GRB10: variants seen among roughly 807,000 people sequenced by gnomAD.
GRB10 encodes the protein growth factor receptor bound protein 10.
In GRB10, 20 loss-of-function variants were observed where a neutral mutation model predicts 80.9. The observed-to-expected ratio is 0.25, with a 90% CI of 0.17 to 0.36. The LOEUF is 0.36. Among genes scored for constraint, GRB10 ranks in the 10% least tolerant of loss-of-function variants. The pLI, the probability that GRB10 is intolerant of heterozygous loss-of-function variation, is 1.00. For missense variants in GRB10, 548 were observed against 747.7 expected (o/e 0.73, Z 3.12); for synonymous variants, 291 against 291.5 (o/e 1.00, Z 0.02).
chr7:50,718,048 A>C (rs1160956893), intron 4 of GRB10, among the ~76,000 whole-genome samples: 2 of 152,242 alleles, frequency 1.3e-5, no homozygotes, highest in East Asian at 1.9e-4. Context: ...CCAGGGACTC[A>C]GTCGGCCCAG....
intron 8 of GRB10, 138 bp from the exon 9 acceptor site, chr7:50,619,423 A>C: frequency 1.4e-6 from 1 of 695,524 alleles, no homozygotes; most frequent in South Asian, 1.5e-5. Context: ...AAGGAAACTA[A>C]ATTTAAATCT....
chr7:50,668,209 T>C (rs2060004913), intron 7 of GRB10, among the ~76,000 whole-genome samples: 1 of 152,040 alleles, frequency 6.6e-6, no homozygotes, highest in African/African-American at 2.4e-5. Flanking sequence ...CCAGCGGGTA[T>C]TGGAAAAAGG....
At chr7:50,739,941 C>T (rs1439344778) in intron 3 of GRB10, among the ~76,000 whole-genome samples, 1 of 152,206 alleles carries the variant, frequency 6.6e-6, no homozygotes, top group Non-Finnish European at 1.5e-5. Flanking sequence ...CCACCTCTTC[C>T]TGTGACTCCC....
intron 7 of GRB10, among the ~76,000 whole-genome samples, chr7:50,634,894 T>C (rs1586065836): frequency 6.6e-6 from 1 of 152,174 alleles, no homozygotes; most frequent in Admixed American, 6.5e-5. Flanking sequence ...ATAAAACAAA[T>C]ACAACTACAC....
chr7:50,728,240 T>C (rs1485630825), intron 4 of GRB10, among the ~76,000 whole-genome samples: 1 of 150,108 alleles, frequency 6.7e-6, no homozygotes, highest in East Asian at 2.0e-4. Flanking sequence ...TACTTAAAAA[T>C]GAAAAACTAC....
intron 7 of GRB10, 107 bp from the exon 8 acceptor site, chr7:50,627,085 A>G: frequency 8.8e-7 from 1 of 1,134,756 alleles, no homozygotes; most frequent in African/African-American, 1.5e-5. Flanking sequence ...GTGCTCCAAC[A>G]CATGGGCAAC....
intron 13 of GRB10, among the ~76,000 whole-genome samples, chr7:50,609,332 G>A (rs1005946358): frequency 7.9e-5 from 12 of 152,130 alleles, no homozygotes; most frequent in African/African-American, 2.7e-4. Flanking sequence ...GCAAAGCTGA[G>A]GTAAAAATCA....
intron 9 of GRB10, 50 bp from the exon 10 acceptor site, chr7:50,618,189 G>A: frequency 7.5e-7 from 1 of 1,340,218 alleles, no homozygotes; most frequent in East Asian, 2.3e-5. Flanking sequence ...TTCAAAGTGA[G>A]GGAAGGTATG....
At chr7:50,698,430 T>C (rs1393645596) in intron 5 of GRB10, among the ~76,000 whole-genome samples, 1 of 152,272 alleles carries the variant, frequency 6.6e-6, no homozygotes, top group Non-Finnish European at 1.5e-5. Flanking sequence ...TTAATTCTTG[T>C]CATTCAAACA....
chr7:50,675,842 G>A (rs2060870746), intron 5 of GRB10, among the ~76,000 whole-genome samples: 1 of 152,194 alleles, frequency 6.6e-6, no homozygotes, highest in African/African-American at 2.4e-5. Context: ...CGGGGAAAGG[G>A]AGCCAGGAGC....
chr7:50,655,928 G>A (rs981012005), intron 7 of GRB10, among the ~76,000 whole-genome samples: 2 of 152,192 alleles, frequency 1.3e-5, no homozygotes, highest in Non-Finnish European at 2.9e-5. Flanking sequence ...ATGATGGAAT[G>A]TCCTGGCAGC....
intron 2 of GRB10, chr7:50,779,806 G>C (rs1413875186): frequency 6.6e-6 from 1 of 152,296 alleles, no homozygotes; most frequent in African/African-American, 2.4e-5. Context: ...ATTATTTGTA[G>C]GTGACTTACA....
intron 8 of GRB10, among the ~76,000 whole-genome samples, chr7:50,620,477 G>A (rs2051494980): frequency 1.5e-5 from 1 of 66,082 alleles, no homozygotes; most frequent in Non-Finnish European, 4.7e-5. Flanking sequence ...CATCTCAGAT[G>A]AGCCCCGACC....
In GRB10 at chr7:50,619,240, G is replaced by A. The variant is rs1200301335; in HGVS notation, c.707C>T (p.Thr236Ile). ...TAGAAATTTACTCTCACTGGCCATG[G>A]TACTCTCCACCTGGACCACCAGCTC... The part of the protein sequence containing the change: ...DHELVVQVES[T>I]MASESKFLFR... Residue 236 changes from threonine to isoleucine, a missense_variant, in exon 9 of 19, where the codon ACC (threonine) becomes ATC (isoleucine). Physicochemically the swap from Thr to Ile is moderately conservative, Grantham distance 89. Around this residue, in one of 4 missense-constraint regions of GRB10, gnomAD observed 270 missense variants for 433.6 expected, o/e 0.62. Coordinates refer to ENST00000401949, the MANE Select transcript of GRB10 (RefSeq NM_001350814.2). 6.2e-7 allele frequency: 1 copy of A among 1,613,484 alleles called. No individual in the cohort carries two copies. Among genetic ancestry groups the A allele is most frequent in the Non-Finnish European group, 8.5e-7 (1 of 1,179,742 alleles).
At chr7:50,674,686 A>G (rs931719865) in intron 5 of GRB10, 28 bp from the exon 6 acceptor site, 6 of 1,598,192 alleles carry the variant, frequency 3.8e-6, no homozygotes, top group Non-Finnish European at 4.3e-6. Flanking sequence ...AGAGCAAAAA[A>G]GAAACTTTAA....
chr7:50,678,222 C>T (rs2529409), intron 5 of GRB10, among the ~76,000 whole-genome samples: 136,289 of 152,230 alleles, frequency 0.9, 61,098 homozygotes, highest in East Asian at 0.96. Flanking sequence ...TATAAGGTAA[C>T]AGATGCCAAA....
At chr7:50,672,320 C>G (rs1349793221) in intron 6 of GRB10, among the ~76,000 whole-genome samples, 1 of 152,216 alleles carries the variant, frequency 6.6e-6, no homozygotes, top group Non-Finnish European at 1.5e-5. Flanking sequence ...CCACGGTTTC[C>G]TCAGCTGGGA....
intron 4 of GRB10, among the ~76,000 whole-genome samples, chr7:50,720,832 T>C (rs1479599157): frequency 6.6e-6 from 1 of 152,070 alleles, no homozygotes; most frequent in Non-Finnish European, 1.5e-5. Flanking sequence ...ATGTATTTAC[T>C]GCTTGTTTAA....
chr7:50,673,642 A>G (rs1004240701), intron 6 of GRB10, among the ~76,000 whole-genome samples: 1 of 151,970 alleles, frequency 6.6e-6, no homozygotes, highest in African/African-American at 2.4e-5. Flanking sequence ...GACCACTTCC[A>G]AACCGGCCAT....
Sources: gnomAD v4.1 joint callset for allele counts (sites outside exome capture counted in the v4.1 genomes callset) on GRCh38, gnomAD v4.1.1 for gene constraint, gnomAD v4.1.1 regional missense constraint, MANE v1.5 for transcripts, NCBI Gene and HGNC (gene_info 2026-07-23, HGNC 2026-07-21) for gene names.